The following FSTL5 variants were observed in gnomAD, a reference collection of about 807,000 sequenced individuals.
FSTL5 encodes follistatin like 5.
Under a neutral mutation model 89.1 loss-of-function variants are expected in FSTL5, and 62 were observed. The ratio of observed to expected loss-of-function variants is 0.70; its 90% CI spans 0.57 to 0.86. The LOEUF (loss-of-function observed/expected upper bound fraction) is 0.86, where lower values mean the gene tolerates loss of function less well. FSTL5 is among the 40% of genes least tolerant of loss of function. FSTL5 has a pLI of 0.00. For missense variants in FSTL5, 1,057 were observed against 1,001.6 expected, an observed-to-expected ratio of 1.06 and a Z score of -0.75; for synonymous variants, 383 against 346.2, an observed-to-expected ratio of 1.11 and a Z score of -1.18.
At chr4:162,158,979 A>C (rs1457815159) in intron 1 of FSTL5, among the ~76,000 whole-genome samples, 1 of 152,062 alleles carries the variant, frequency 6.6e-6, no homozygotes, top group African/African-American at 2.4e-5. Context: ...GCCAGATTCC[A>C]TAATCCTAAG....
At chr4:161,608,683 A>G (rs1554002139) in intron 7 of FSTL5, among the ~76,000 whole-genome samples, 1 of 152,094 alleles carries the variant, frequency 6.6e-6, no homozygotes, top group African/African-American at 2.4e-5. Context: ...CAATAATGTA[A>G]ATATCTATAA....
At chr4:161,479,427 T>C (rs914628519) in intron 13 of FSTL5, among the ~76,000 whole-genome samples, 1 of 152,168 alleles carries the variant, frequency 6.6e-6, no homozygotes, top group African/African-American at 2.4e-5. Context: ...TCAGAGAGTA[T>C]AGTTCTCTAG....
At chr4:161,941,590 A>G (rs951483176) in intron 3 of FSTL5, among the ~76,000 whole-genome samples, 7 of 151,984 alleles carry the variant, frequency 4.6e-5, no homozygotes, top group African/African-American at 7.2e-5. Context: ...CAATTCACCA[A>G]GAAGACATAA....
intron 11 of FSTL5, among the ~76,000 whole-genome samples, chr4:161,506,362 C>T (rs748067226): frequency 2.6e-5 from 4 of 152,078 alleles, no homozygotes; most frequent in Non-Finnish European, 4.4e-5. Flanking sequence ...TATCAGCCAC[C>T]ACATCCTGAC....
At chr4:162,161,804 G>A (rs1284813361) in intron 1 of FSTL5, among the ~76,000 whole-genome samples, 2 of 151,704 alleles carry the variant, frequency 1.3e-5, no homozygotes, top group Non-Finnish European at 2.9e-5. Flanking sequence ...AATAAAATAA[G>A]CCATAATTCT....
chr4:162,132,943 A>G (rs1561037245), intron 1 of FSTL5, among the ~76,000 whole-genome samples: 1 of 151,508 alleles, frequency 6.6e-6, no homozygotes, highest in African/African-American at 2.4e-5. Flanking sequence ...TAGTAATGTA[A>G]TTTTTTTTTC....
chr4:161,781,277 T>A lies in FSTL5; in HGVS notation c.410-5203A>T, dbSNP rs548957273. On this transcript the variant is annotated intron_variant, in intron 4 of 15. Transcript: ENST00000306100. ...TTATATTAATTATAAGTAGTGAAAC[T>A]ATGTATATGAAGGAACCAAAATTAT... Among the ~76,000 whole-genome samples, 26 of 152,056 alleles carry A rather than the reference T, an allele frequency of 1.7e-4. No homozygotes were observed. In the South Asian group the frequency reaches 3.5e-3, roughly 21 times the overall value.
At chr4:161,943,512 G>A (rs1734648742) in intron 3 of FSTL5, among the ~76,000 whole-genome samples, 4 of 78,472 alleles carry the variant, frequency 5.1e-5, no homozygotes, top group Admixed American at 2.4e-4. Context: ...GTTTTTTATT[G>A]GACTTTTACA....
In FSTL5 at chr4:161,606,555, T is replaced by G. The variant is rs192115189; in HGVS notation, c.895-18980A>C. 1.1e-4 allele frequency among the ~76,000 whole-genome samples: 17 copies of G among 152,226 alleles called. No homozygotes were observed. The South Asian group carries it at 3.5e-3, about 32-fold the overall frequency. ...CGATTATCTGTGAAGTAATGTGTCA[T>G]GTATGTAGCAAAAACTAGTGTACAT... is the stretch of plus-strand genomic sequence containing the variant. On this transcript the variant is annotated intron_variant, in intron 7 of 15. Coordinates refer to ENST00000306100, the MANE Select transcript of FSTL5 (RefSeq NM_020116.5).
At chr4:161,731,883 G>A (rs1465866562) in intron 6 of FSTL5, among the ~76,000 whole-genome samples, 1 of 151,936 alleles carries the variant, frequency 6.6e-6, no homozygotes, top group Non-Finnish European at 1.5e-5. Context: ...ACCACAATTT[G>A]TTTATCCATT....
At chr4:161,860,236 G>T (rs530557298) in intron 4 of FSTL5, among the ~76,000 whole-genome samples, 2 of 152,038 alleles carry the variant, frequency 1.3e-5, no homozygotes, top group East Asian at 3.9e-4. Context: ...TGCAGTGAGA[G>T]GAGATCGCGC....
At chr4:161,400,832 AACTATTTCTCCTCTTAGG>A (rs1419019710) in intron 15 of FSTL5, among the ~76,000 whole-genome samples, 8 of 152,114 alleles carry the variant, frequency 5.3e-5, no homozygotes, top group Non-Finnish European at 7.4e-5. Context: ...AATTGGAATA[AACTATTTCTCCTCTTAGG>A]ACATTATGTT....
chr4:161,931,311 C>G (rs1734277236), intron 3 of FSTL5, among the ~76,000 whole-genome samples: 1 of 151,728 alleles, frequency 6.6e-6, no homozygotes, highest in African/African-American at 2.4e-5. Context: ...AGTCAGGAAG[C>G]CACTACCTTG....
chr4:161,849,098 A>G (rs11938253), intron 4 of FSTL5, among the ~76,000 whole-genome samples: 68,488 of 151,958 alleles, frequency 0.45, 15,632 homozygotes, highest in East Asian at 0.49. Context: ...TTGCTACATA[A>G]ATATTTTTAC....
chr4:161,394,502 CCT>C (rs1730935142), intron 15 of FSTL5, among the ~76,000 whole-genome samples: 1 of 152,102 alleles, frequency 6.6e-6, no homozygotes, highest in African/African-American at 2.4e-5. Context: ...GTCTAGATCC[CCT>C]GACCTCGTGA....
intron 3 of FSTL5, among the ~76,000 whole-genome samples, chr4:161,948,319 G>C (rs1734793338): frequency 6.7e-6 from 1 of 149,030 alleles, no homozygotes; most frequent in Non-Finnish European, 1.5e-5. Flanking sequence ...AACTGAAAAA[G>C]AGTGATGAAT....
Position 161,619,162 on chromosome 4 carries a change from A to T in FSTL5, c.895-31587T>A, listed in dbSNP as rs376342804. The stretch of plus-strand genomic sequence containing the variant: ...ATGTAGAAAGCTGAAACTGGATCCC[A>T]TCCTTACACCTTATACAAAAATTAA... On this transcript the variant is annotated intron_variant, in intron 7 of 15. Transcript: ENST00000306100. Among the ~76,000 whole-genome samples the T allele has an allele frequency of 5.1e-4, 78 of 152,160 alleles. No homozygotes were observed. In the East Asian group the frequency reaches 0.011, roughly 21 times the overall value.
chr4:161,770,182 G>A (rs1480472836), intron 5 of FSTL5, among the ~76,000 whole-genome samples: 1 of 151,950 alleles, frequency 6.6e-6, no homozygotes, highest in Non-Finnish European at 1.5e-5. Context: ...AACTTACAGC[G>A]ATAGAGCATA....
rs537899786 is a variant in FSTL5 at position 162,135,304 on chromosome 4, TTTC to T, written c.-16-23895_-16-23893del. ...AATAATTTATTTCAATAAGGTAGTT[TTTC>T]TTTTTTCTTTTGTTATAATAAATTA... On this transcript the variant is annotated intron_variant, in intron 1 of 15. Transcript: ENST00000306100. 2.0e-3 allele frequency among the ~76,000 whole-genome samples: 310 copies of T among 152,128 alleles called. 1 individual carries two copies. Among genetic ancestry groups the T allele is most frequent in the African/African-American group, 6.9e-3 (288 of 41,558 alleles).
Sources: allele counts gnomAD v4.1 joint callset (sites outside exome capture counted in the v4.1 genomes callset), GRCh38; gene constraint gnomAD v4.1.1; transcripts MANE v1.5; gene names NCBI Gene and HGNC (gene_info 2026-07-23, HGNC 2026-07-21).